ZNF99: variants seen among roughly 807,000 people sequenced by gnomAD.
ZNF99 encodes the protein zinc finger protein ENSP00000375192.
In ZNF99, 8 loss-of-function variants were observed where a neutral mutation model predicts 12.8. The ratio of observed to expected loss-of-function variants is 0.62; its 90% CI spans 0.37 to 1.13. The LOEUF is 1.13. Among genes scored for constraint, ZNF99 ranks in the 50% most tolerant of loss-of-function variants. The pLI is 0.02. For synonymous variants in ZNF99, 318 were observed against 319.0 expected (o/e 1.00, Z 0.03); for missense variants, 1,007 against 1,006.2 (o/e 1.00, Z -0.01).
At chr19:22,782,659 GCCTTTTTTT>G (rs1237882116) in intron 1 of ZNF99, among the ~76,000 whole-genome samples, 3 of 113,636 alleles carry the variant, frequency 2.6e-5, no homozygotes, top group African/African-American at 1.1e-4. Context: ...ACCGCACCTG[GCCTTTTTTT>G]TTTTTTTTTT....
chr19:22,763,091 C>T (rs1469103935), intron 3 of ZNF99, among the ~76,000 whole-genome samples: 1 of 151,994 alleles, frequency 6.6e-6, no homozygotes. Flanking sequence ...AGGATGCCCA[C>T]TTTCACCCCA....
At chr19:22,769,819 C>A in intron 1 of ZNF99, 1 of 1,251,470 alleles carries the variant, frequency 8.0e-7, no homozygotes. Flanking sequence ...TTCTCAAACT[C>A]TGAGAAAAAA....
At position 22,756,586 on chromosome 19, in the gene ZNF99, G is replaced by A. The variant is rs369551489; in HGVS notation, c.*728C>T. On this transcript the variant is annotated 3_prime_UTR_variant, in exon 4 of 4. Transcript: ENST00000596209. The stretch of plus-strand genomic sequence containing the variant: ...TGATTTATGTTTAGTAAGGTGTGAG[G>A]ATTGCTTAAAAGCTTTGCCACATTC... The A allele has an allele frequency of 6.3e-7, 1 of 1,594,134 alleles. No individual in the cohort carries two copies. Among genetic ancestry groups the A allele is most frequent in the East Asian group, 2.3e-5 (1 of 43,972 alleles).
chr19:22,777,123 G>C (rs1316956208), intron 1 of ZNF99, among the ~76,000 whole-genome samples: 1 of 152,140 alleles, frequency 6.6e-6, no homozygotes, highest in Non-Finnish European at 1.5e-5. Context: ...CTGTACTCCA[G>C]CCTGGGTGAC....
intron 1 of ZNF99, among the ~76,000 whole-genome samples, chr19:22,769,760 CAAA>C (rs376034686): frequency 1.2e-5 from 1 of 85,010 alleles, no homozygotes; most frequent in Admixed American, 1.3e-4. Context: ...GACTCTGTCT[CAAA>C]AAAAAAAAAA....
intron 1 of ZNF99, among the ~76,000 whole-genome samples, chr19:22,777,802 G>C (rs955814262): frequency 4.6e-5 from 7 of 152,094 alleles, no homozygotes; most frequent in African/African-American, 1.7e-4. Context: ...GATCAAAAAT[G>C]CTGTAGTGAA....
In ZNF99 at chr19:22,769,235, A is replaced by G. The variant is rs1304164532; in HGVS notation, c.93T>C (p.Asn31=). The G allele has an allele frequency of 6.2e-7, 1 of 1,609,530 alleles. No homozygotes were observed. Among genetic ancestry groups the G allele is most frequent in the Admixed American group, 1.7e-5 (1 of 59,716 alleles). The change falls in exon 2 of 4, where the codon AAT becomes AAC. Residue 31 remains asparagine (N), a synonymous_variant. Coordinates refer to ENST00000596209, the MANE Select transcript of ZNF99 (RefSeq NM_001080409.3). ...GGTTTCTGTAGTTCTCTAACATAAC[A>G]TTCCTATATAAATTCTGCTGAGCCA... ...LDMAQQNLYR[N]VMLENYRNLV... is the part of the protein sequence containing the mutation.
chr19:22,766,987 A>G (rs1400723353), intron 3 of ZNF99, among the ~76,000 whole-genome samples: 2 of 151,940 alleles, frequency 1.3e-5, no homozygotes, highest in Non-Finnish European at 2.9e-5. Context: ...ATATAAATTT[A>G]TCAAACTACT....
rs766327071 is a variant in ZNF99 at position 22,757,574 on chromosome 19, G to A, written c.2335C>T (p.His779Tyr). The A allele has an allele frequency of 1.9e-5, 30 of 1,610,994 alleles. No individual in the cohort carries two copies. Among genetic ancestry groups the A allele is most frequent in the Middle Eastern group, 3.3e-4 (2 of 6,048 alleles). Residue 779 changes from histidine (H) to tyrosine (Y), a missense_variant, in exon 4 of 4, where the codon CAT becomes TAT. Physicochemically the swap from His to Tyr is moderately conservative, Grantham distance 83. Coordinates refer to ENST00000596209, the MANE Select transcript of ZNF99 (RefSeq NM_001080409.3). ...TTCTTTCCAGTATGAATTATCTTAT[G>A]TTTTCTAAGGGCTGAGAAATGCTTA... ...AFKHFSALRK[H>Y]KIIHTGKKPY...
At chr19:22,769,412 A>AAG (rs1973240957) in intron 1 of ZNF99, 88 bp from the exon 2 acceptor site, 1 of 1,421,638 alleles carries the variant, frequency 7.0e-7, no homozygotes, top group Non-Finnish European at 9.5e-7. Flanking sequence ...TGAGAGAGTA[A>AAG]AGAGAACAGG....
At position 22,759,565 on chromosome 19, in the gene ZNF99, T is replaced by C; in HGVS notation, c.344A>G (p.Lys115Arg). The part of the protein sequence containing the change: ...RCGHKNLRLR[K>R]DCESVNEGKM... ...ACCCTCATTGACACTTTCACAATCT[T>C]TTCTTAATCGTAAATTCTTATGTCC... is the stretch of plus-strand genomic sequence containing the variant. The change falls in exon 4 of 4, where the codon AAA (lysine) becomes AGA (arginine). Residue 115 changes from lysine (K) to arginine (R), a missense_variant. Lys to Arg is a conservative substitution (Grantham distance 26). Coordinates refer to ENST00000596209, the MANE Select transcript of ZNF99 (RefSeq NM_001080409.3). 1 of 1,611,780 alleles carries C rather than the reference T, an allele frequency of 6.2e-7. No homozygotes were observed. The highest frequency in any genetic ancestry group is 8.5e-7 in the Non-Finnish European group (1 of 1,179,314).
chr19:22,756,959 G>A lies in ZNF99; in HGVS notation c.*355C>T. On this transcript the variant is annotated 3_prime_UTR_variant, in exon 4 of 4. Coordinates refer to ENST00000596209, the MANE Select transcript of ZNF99 (RefSeq NM_001080409.3). The stretch of plus-strand genomic sequence containing the variant: ...TTTACCACATTCTTCACATTTGTAT[G>A]GTTTCTCCCCAGTATGAATTATCTT... 1 of 1,612,192 alleles carries A rather than the reference G, an allele frequency of 6.2e-7. No homozygotes were observed. Among genetic ancestry groups the A allele is most frequent in the East Asian group, 2.2e-5 (1 of 44,802 alleles).
Position 22,784,037 on chromosome 19 carries a change from C to A in ZNF99, c.-21G>T. 1 of 1,613,538 alleles carries A rather than the reference C, an allele frequency of 6.2e-7. No individual in the cohort carries two copies. The highest frequency in any genetic ancestry group is 8.5e-7 in the Non-Finnish European group (1 of 1,179,854). Reference sequence around the variant, plus strand: ...ACCATTTCTAAGCTTCCAGGGGGTCCTGGCGTCCTAGCTGTGGATCTCCAA... The same window carrying A: ...ACCATTTCTAAGCTTCCAGGGGGTCATGGCGTCCTAGCTGTGGATCTCCAA... On this transcript the variant is annotated 5_prime_UTR_variant, in exon 1 of 4. The change creates a new upstream start codon in the 5' untranslated region. Coordinates refer to ENST00000596209, the MANE Select transcript of ZNF99 (RefSeq NM_001080409.3).
rs771973148 is a variant in ZNF99 at position 22,759,519 on chromosome 19, A to G, written c.390T>C (p.Tyr130=). The part of the protein sequence containing the change: ...VNEGKMHEEA[Y]NKLNQCWTTT... The stretch of plus-strand genomic sequence containing the variant: ...TTGTCCAACATTGGTTAAGTTTATT[A>G]TAAGCTTCTTCGTGCATCTTACCCT... Residue 130 remains tyrosine, a synonymous_variant, in exon 4 of 4, where the codon TAT becomes TAC. Coordinates refer to ENST00000596209, the MANE Select transcript of ZNF99 (RefSeq NM_001080409.3). 1.1e-5 allele frequency: 17 copies of G among 1,609,730 alleles called. No individual in the cohort carries two copies. The South Asian group carries it at 1.8e-4, about 17-fold the overall frequency.
intron 1 of ZNF99, among the ~76,000 whole-genome samples, chr19:22,780,333 A>G (rs1190403678): frequency 6.6e-6 from 1 of 152,196 alleles, no homozygotes; most frequent in Non-Finnish European, 1.5e-5. Flanking sequence ...TTATATCTCA[A>G]TAAGAGAAAC....
intron 1 of ZNF99, among the ~76,000 whole-genome samples, chr19:22,772,614 T>G (rs1486840288): frequency 6.6e-6 from 1 of 151,432 alleles, no homozygotes; most frequent in African/African-American, 2.4e-5. Flanking sequence ...GAGGCAGGGG[T>G]TGCGGTGAGC....
rs190331866 is a variant in ZNF99, at chr19:22,759,143, G to T, written c.766C>A (p.Pro256Thr). The change falls in exon 4 of 4, where the codon CCC (proline) becomes ACC (threonine). Residue 256 changes from proline (P) to threonine (T), a missense_variant. Transcript: ENST00000596209. ...KCKIIHTGKK[P>T]CKCEECGKVF... The stretch of plus-strand genomic sequence containing the variant: ...TTGCCACATTCTTCACATTTGCAGG[G>T]TTTCTTTCCAGTATGAATTATCTTA... 4.2e-5 allele frequency: 67 copies of T among 1,610,056 alleles called. No individual in the cohort carries two copies. In the African/African-American group the frequency reaches 8.4e-4, roughly 20 times the overall value.
Position 22,756,588 on chromosome 19 carries a change from T to C in ZNF99, c.*726A>G, listed in dbSNP as rs878863465. ...ATTTATGTTTAGTAAGGTGTGAGGA[T>C]TGCTTAAAAGCTTTGCCACATTCTT... On this transcript the variant is annotated 3_prime_UTR_variant, in exon 4 of 4. Transcript: ENST00000596209. 25 of 1,587,952 alleles carry C rather than the reference T, an allele frequency of 1.6e-5. 4 individuals are homozygous for C. Among genetic ancestry groups the C allele is most frequent in the African/African-American group, 1.4e-4 (9 of 63,360 alleles).
At chr19:22,764,819 A>G in intron 3 of ZNF99, among the ~76,000 whole-genome samples, 1 of 150,922 alleles carries the variant, frequency 6.6e-6, no homozygotes, top group East Asian at 1.9e-4. Context: ...CATAATAAAA[A>G]ATAAATAAAT....
Sources: allele counts gnomAD v4.1 joint callset (sites outside exome capture counted in the v4.1 genomes callset), GRCh38; gene constraint gnomAD v4.1.1; transcripts MANE v1.5; gene names NCBI Gene and HGNC (gene_info 2026-07-23, HGNC 2026-07-21).